The following RABGAP1L variants were observed in gnomAD, a reference collection of about 807,000 sequenced individuals.
The protein encoded by RABGAP1L is rab GTPase-activating protein 1-like.
A neutral mutation model predicts 137.7 loss-of-function variants in RABGAP1L; 63 were observed. The observed-to-expected ratio is 0.46, with a 90% confidence interval of 0.37 to 0.56. The LOEUF (loss-of-function observed/expected upper bound fraction) is 0.56. Among genes scored for constraint, RABGAP1L ranks in the 20% least tolerant of loss-of-function variants. The probability of loss-of-function intolerance (pLI) is 0.00; values close to 1 mark genes in which losing one functional copy is unlikely to be tolerated. For missense variants in RABGAP1L, 1,095 were observed against 1,244.0 expected (o/e 0.88, Z 1.80); for synonymous variants, 431 against 433.7 (o/e 0.99, Z 0.08).
chr1:174,362,862 G>A (rs1001884550), intron 11 of RABGAP1L, among the ~76,000 whole-genome samples: 4 of 152,156 alleles, frequency 2.6e-5, no homozygotes, highest in East Asian at 1.9e-4. Flanking sequence ...TGAAATATTT[G>A]TGCCGATGTC....
chr1:174,889,447 T>TTC (rs1253685481), intron 19 of RABGAP1L, among the ~76,000 whole-genome samples: 2 of 151,810 alleles, frequency 1.3e-5, no homozygotes, highest in Non-Finnish European at 2.9e-5. Context: ...TTGAGACAGG[T>TTC]TCTCTCTCTG....
chr1:174,383,733 C>A (rs1571539600), intron 12 of RABGAP1L, among the ~76,000 whole-genome samples: 1 of 152,262 alleles, frequency 6.6e-6, no homozygotes, highest in East Asian at 1.9e-4. Flanking sequence ...GATGGAAATG[C>A]AGAAATCACC....
intron 13 of RABGAP1L, among the ~76,000 whole-genome samples, chr1:174,614,996 T>C (rs1250591819): frequency 6.6e-6 from 1 of 152,214 alleles, no homozygotes; most frequent in African/African-American, 2.4e-5. Context: ...TTTTTCAAAG[T>C]TATTAACTTC....
chr1:174,713,263 C>G (rs540123151), intron 17 of RABGAP1L, among the ~76,000 whole-genome samples: 8 of 152,302 alleles, frequency 5.3e-5, no homozygotes, highest in African/African-American at 1.9e-4. Context: ...TAGTGTTAAT[C>G]ATTCCCATGC....
intron 1 of RABGAP1L, among the ~76,000 whole-genome samples, chr1:174,190,301 CAAAAAAAAAAAAA>C (rs57629149): frequency 1.1e-5 from 1 of 90,260 alleles, no homozygotes; most frequent in South Asian, 4.3e-4. Flanking sequence ...GACTCCGTTG[CAAAAAAAAAAAAA>C]AAAAAGAAAG....
At chr1:174,350,082 G>C (rs1425115076) in intron 11 of RABGAP1L, among the ~76,000 whole-genome samples, 2 of 138,380 alleles carry the variant, frequency 1.4e-5, no homozygotes, top group Non-Finnish European at 3.2e-5. Context: ...CTGGCTGGGC[G>C]GGGGGCTGAC....
intron 13 of RABGAP1L, among the ~76,000 whole-genome samples, chr1:174,472,834 A>C (rs1040659306): frequency 3.9e-5 from 6 of 152,204 alleles, no homozygotes; most frequent in Non-Finnish European, 8.8e-5. Context: ...TTTATCAGGG[A>C]ATAATGGCAA....
At chr1:174,888,972 T>A (rs1440431200) in intron 19 of RABGAP1L, among the ~76,000 whole-genome samples, 1 of 152,220 alleles carries the variant, frequency 6.6e-6, no homozygotes, top group Non-Finnish European at 1.5e-5. Context: ...TGTGTATGCA[T>A]AAGATATGGA....
chr1:174,924,385 C>CAAA (rs10688718), intron 19 of RABGAP1L, among the ~76,000 whole-genome samples: 31,839 of 69,676 alleles, frequency 0.46, 8,183 homozygotes, highest in African/African-American at 0.62. Context: ...GACTCTGTCT[C>CAAA]AAAAAAAAAA....
intron 1 of RABGAP1L, among the ~76,000 whole-genome samples, chr1:174,203,977 G>A (rs1332169178): frequency 1.5e-5 from 2 of 137,336 alleles, no homozygotes; most frequent in East Asian, 4.2e-4. Flanking sequence ...GTATCTCTCT[G>A]TTGCCCAGAG....
intron 13 of RABGAP1L, among the ~76,000 whole-genome samples, chr1:174,431,528 A>G (rs1324204481): frequency 2.0e-5 from 3 of 152,196 alleles, no homozygotes; most frequent in Non-Finnish European, 4.4e-5. Context: ...GAGCTATGGC[A>G]CTTTACTCAT....
intron 18 of RABGAP1L, among the ~76,000 whole-genome samples, chr1:174,796,612 G>T (rs923245861): frequency 8.5e-5 from 13 of 152,184 alleles, no homozygotes; most frequent in African/African-American, 2.9e-4. Context: ...AGGGATTTTT[G>T]ATGGGGAAAC....
chr1:174,597,082 AATG>A (rs1670002323), intron 13 of RABGAP1L, among the ~76,000 whole-genome samples: 1 of 152,240 alleles, frequency 6.6e-6, no homozygotes, highest in East Asian at 1.9e-4. Context: ...GATCATGATG[AATG>A]ATGTTTTTAA....
intron 1 of RABGAP1L, among the ~76,000 whole-genome samples, chr1:174,167,704 C>G (rs554328379): frequency 6.6e-6 from 1 of 152,236 alleles, no homozygotes; most frequent in East Asian, 1.9e-4. Context: ...AATTAGAAGA[C>G]TTTAAGAATC....
intron 11 of RABGAP1L, among the ~76,000 whole-genome samples, chr1:174,332,263 A>G (rs547383032): frequency 3.9e-5 from 6 of 152,340 alleles, no homozygotes; most frequent in African/African-American, 9.6e-5. Context: ...TAAGTGGACA[A>G]TCTAATAAAG....
At chr1:174,201,314 A>T (rs1274208135) in intron 1 of RABGAP1L, among the ~76,000 whole-genome samples, 1 of 147,356 alleles carries the variant, frequency 6.8e-6, no homozygotes. Flanking sequence ...CTCCTGCCTC[A>T]GCCTCCCGAG....
intron 11 of RABGAP1L, among the ~76,000 whole-genome samples, chr1:174,309,663 T>A (rs887548523): frequency 3.3e-5 from 5 of 152,168 alleles, no homozygotes; most frequent in African/African-American, 1.2e-4. Context: ...ATTTACAGAT[T>A]TGCATATGTT....
At chr1:174,880,151 G>A (rs1217420934) in intron 19 of RABGAP1L, among the ~76,000 whole-genome samples, 1 of 151,684 alleles carries the variant, frequency 6.6e-6, no homozygotes, top group Non-Finnish European at 1.5e-5. Flanking sequence ...TGCTTTCCTT[G>A]TATAATATAC....
chr1:174,448,598 A>ATTT lies in RABGAP1L; in HGVS notation c.1710+54455_1710+54457dup, dbSNP rs1418754990. On this transcript the variant is annotated intron_variant, in intron 13 of 25. Transcript: ENST00000681986. The surrounding 1 kb of genome is among the most constrained non-coding windows in gnomAD (Gnocchi z 4.2). ...CCCTTGTCGCTTGAGAATTTGCATT[A>ATTT]TTTTGATCTGGATCTACTCCTGCCT... The ATTT allele has an allele frequency of 6.2e-7, 1 of 1,613,834 alleles. No homozygotes were observed. Among genetic ancestry groups the ATTT allele is most frequent in the Non-Finnish European group, 8.5e-7 (1 of 1,179,966 alleles).
Sources: gnomAD v4.1 joint callset for allele counts (sites outside exome capture counted in the v4.1 genomes callset) on GRCh38, gnomAD v4.1.1 for gene constraint, Gnocchi (gnomAD v3.1) non-coding constraint, MANE v1.5 for transcripts, NCBI Gene and HGNC (gene_info 2026-07-23, HGNC 2026-07-21) for gene names.